The following THSD7A variants were observed in gnomAD, a reference collection of about 807,000 sequenced individuals.
THSD7A encodes thrombospondin type-1 domain-containing protein 7A.
Under a neutral mutation model 231.3 loss-of-function variants are expected in THSD7A, and 96 were observed. The observed-to-expected ratio is 0.41, with a 90% CI of 0.35 to 0.49. THSD7A has a LOEUF of 0.49. Among genes scored for constraint, THSD7A ranks in the 20% least tolerant of loss-of-function variants. THSD7A has a pLI of 0.05. For missense variants in THSD7A, 2,290 were observed against 2,070.2 expected, an observed-to-expected ratio of 1.11 and a Z score of -2.06; for synonymous variants, 940 against 743.3, an observed-to-expected ratio of 1.26 and a Z score of -4.30.
At chr7:11,482,423 G>A (rs959030368) in intron 6 of THSD7A, among the ~76,000 whole-genome samples, 2 of 152,110 alleles carry the variant, frequency 1.3e-5, no homozygotes, top group African/African-American at 4.8e-5. Context: ...ACTAATAGGT[G>A]TCTATTTACA....
At chr7:11,718,831 G>T (rs1471675483) in intron 1 of THSD7A, among the ~76,000 whole-genome samples, 1 of 151,526 alleles carries the variant, frequency 6.6e-6, no homozygotes, top group Non-Finnish European at 1.5e-5. Flanking sequence ...AAGACAAAAA[G>T]TTTGGGCATG....
chr7:11,743,350 G>A (rs181930141), intron 1 of THSD7A, among the ~76,000 whole-genome samples: 6 of 151,680 alleles, frequency 4.0e-5, no homozygotes, highest in East Asian at 3.9e-4. Context: ...TAAATTTATC[G>A]TCCACTGAGA....
intron 7 of THSD7A, among the ~76,000 whole-genome samples, chr7:11,478,765 C>T (rs1027664435): frequency 1.3e-5 from 2 of 151,992 alleles, no homozygotes; most frequent in Non-Finnish European, 2.9e-5. Context: ...TGGATTGGGG[C>T]CATCGATAGA....
chr7:11,720,146 C>T (rs1156912400), intron 1 of THSD7A, among the ~76,000 whole-genome samples: 1 of 151,736 alleles, frequency 6.6e-6, no homozygotes, highest in East Asian at 2.0e-4. Context: ...AGATCTTTCA[C>T]CACTGCCCCT....
chr7:11,554,035 A>G (rs1303203925), intron 4 of THSD7A, among the ~76,000 whole-genome samples: 2 of 152,032 alleles, frequency 1.3e-5, no homozygotes, highest in Non-Finnish European at 2.9e-5. Context: ...CAGCTTCTAC[A>G]TATACTTTAT....
At chr7:11,502,849 A>T (rs1787392862) in intron 6 of THSD7A, among the ~76,000 whole-genome samples, 1 of 152,246 alleles carries the variant, frequency 6.6e-6, no homozygotes, top group Non-Finnish European at 1.5e-5. Context: ...GGATAGAAAG[A>T]ATCAGTATCA....
At chr7:11,589,510 G>A (rs1780066049) in intron 4 of THSD7A, among the ~76,000 whole-genome samples, 1 of 152,142 alleles carries the variant, frequency 6.6e-6, no homozygotes, top group South Asian at 2.1e-4. Flanking sequence ...TCTGAAACTT[G>A]GTTGTATGGC....
intron 1 of THSD7A, among the ~76,000 whole-genome samples, chr7:11,744,476 T>C (rs1782215770): frequency 6.6e-6 from 1 of 151,998 alleles, no homozygotes; most frequent in South Asian, 2.1e-4. Context: ...AGTTTTAGGG[T>C]ACATGTGCAC....
At chr7:11,381,975 G>C (rs970007361) in intron 24 of THSD7A, among the ~76,000 whole-genome samples, 14 of 152,056 alleles carry the variant, frequency 9.2e-5, no homozygotes, top group Admixed American at 7.9e-4. Flanking sequence ...AATAATTTGG[G>C]GATGCAGGCA....
intron 6 of THSD7A, among the ~76,000 whole-genome samples, chr7:11,482,546 C>G (rs910565778): frequency 1.1e-4 from 17 of 152,126 alleles, no homozygotes; most frequent in Non-Finnish European, 1.0e-4. Context: ...GATGGGATAA[C>G]ATTATAAAGT....
At chr7:11,607,933 T>C (rs1024512625) in intron 2 of THSD7A, among the ~76,000 whole-genome samples, 4 of 152,098 alleles carry the variant, frequency 2.6e-5, no homozygotes, top group Non-Finnish European at 4.4e-5. Flanking sequence ...CAGCTGAATG[T>C]GAGGATATCA....
In THSD7A at chr7:11,406,617, G is replaced by A; in HGVS notation, c.4063-143C>T. 8 of 924,542 alleles carry A rather than the reference G, an allele frequency of 8.7e-6. No homozygotes were observed. The highest frequency in any genetic ancestry group is 1.3e-5 in the Non-Finnish European group (8 of 634,016). The allele number at this position is 924,542 out of a possible 1,614,324, so 57.3% of individuals were successfully genotyped here. A position where few individuals can be genotyped will look rare whatever the true frequency, so the allele number is the denominator to read the frequency against. ...AAACCCTAGGGAAGAAGCCCTATAGGGCACTAGCAATAAAGCATACATTGA... is the reference window on the plus strand; with the variant it reads ...AAACCCTAGGGAAGAAGCCCTATAGAGCACTAGCAATAAAGCATACATTGA... On this transcript the variant is annotated intron_variant, in intron 21 of 27. Transcript: ENST00000423059. The surrounding 1 kb of genome is among the most constrained non-coding windows in gnomAD (Gnocchi z 4.7).
intron 1 of THSD7A, among the ~76,000 whole-genome samples, chr7:11,698,103 A>C (rs917936075): frequency 6.6e-6 from 1 of 151,398 alleles, no homozygotes; most frequent in African/African-American, 2.4e-5. Context: ...GATTCTGTAC[A>C]ATTTCATTAC....
intron 11 of THSD7A, among the ~76,000 whole-genome samples, chr7:11,454,501 T>C (rs1785240513): frequency 1.3e-5 from 2 of 151,914 alleles, no homozygotes; most frequent in South Asian, 4.1e-4. Context: ...TCTTGCCTTT[T>C]TGCTTGAGTC....
intron 6 of THSD7A, among the ~76,000 whole-genome samples, chr7:11,515,265 A>C (rs1482659498): frequency 6.6e-6 from 1 of 152,138 alleles, no homozygotes; most frequent in African/African-American, 2.4e-5. Context: ...GTTACTTGCT[A>C]GGTCTGTGAT....
chr7:11,535,989 TGATA>T (rs1788900803), intron 6 of THSD7A, among the ~76,000 whole-genome samples: 1 of 152,204 alleles, frequency 6.6e-6, no homozygotes. Context: ...GGTACTCCCC[TGATA>T]GAAAGGCACA....
In THSD7A at chr7:11,632,661, G is replaced by A. The variant is rs1257390967; in HGVS notation, c.1022+3469C>T. 6.6e-6 allele frequency among the ~76,000 whole-genome samples: 1 copy of A among 152,054 alleles called. No individual in the cohort carries two copies. Among genetic ancestry groups the A allele is most frequent in the Non-Finnish European group, 1.5e-5 (1 of 68,008 alleles). ...CCTGTCTTATTTTTTACTTTAAAGA[G>A]AATGCTTCTAATGTTTCACAGTTGA... On this transcript the variant is annotated intron_variant, in intron 2 of 27. Transcript: ENST00000423059. The surrounding 1 kb of genome is among the most constrained non-coding windows in gnomAD (Gnocchi z 4.1).
At chr7:11,683,884 C>T (rs1783968060) in intron 1 of THSD7A, among the ~76,000 whole-genome samples, 1 of 151,862 alleles carries the variant, frequency 6.6e-6, no homozygotes, top group East Asian at 1.9e-4. Context: ...AAATCGATAT[C>T]ATCCTGATAA....
chr7:11,802,386 A>C (rs1465463251), intron 1 of THSD7A, among the ~76,000 whole-genome samples: 1 of 152,182 alleles, frequency 6.6e-6, no homozygotes, highest in Non-Finnish European at 1.5e-5. Flanking sequence ...CAAAAGTTTG[A>C]GAAACAACAT....
Sources: allele counts gnomAD v4.1 joint callset (sites outside exome capture counted in the v4.1 genomes callset), GRCh38; gene constraint gnomAD v4.1.1; non-coding constraint Gnocchi (gnomAD v3.1); transcripts MANE v1.5; gene names NCBI Gene and HGNC (gene_info 2026-07-23, HGNC 2026-07-21).